Variants in BLTP1 observed in about 807,000 individuals in gnomAD.
BLTP1 encodes the protein bridge-like lipid transfer protein family member 1.
chr4:122,316,899 C>A, the BLTP1 span: 1 of 1,386,072 alleles, frequency 7.2e-7, no homozygotes, highest in Middle Eastern at 1.9e-4. Context: ...ATAATGTTCC[C>A]TAATTTTAGA....
the BLTP1 span, chr4:122,245,249 A>G: frequency 4.1e-6 from 4 of 967,916 alleles, no homozygotes; most frequent in African/African-American, 4.9e-5. Flanking sequence ...ATATTTGGAC[A>G]TGTTCTAAAA....
At chr4:122,192,433 A>G in the BLTP1 span, 3 of 1,118,556 alleles carry the variant, frequency 2.7e-6, no homozygotes, top group Non-Finnish European at 3.8e-6. Context: ...TTAGATGTAT[A>G]TAATTTTAAA....
the BLTP1 span, chr4:122,263,746 T>C: frequency 1.8e-5 from 10 of 552,670 alleles, no homozygotes; most frequent in African/African-American, 3.8e-5. Context: ...TTTGATAATA[T>C]TGTAATTGAG....
At chr4:122,332,385 A>G in the BLTP1 span, among the ~76,000 whole-genome samples, 7 of 151,980 alleles carry the variant, frequency 4.6e-5, no homozygotes, top group Non-Finnish European at 7.4e-5. Context: ...TAAATTGCTA[A>G]TATTTAGCTG....
chr4:122,254,809 C>A, the BLTP1 span: 3 of 1,555,424 alleles, frequency 1.9e-6, no homozygotes, highest in Non-Finnish European at 2.6e-6. Context: ...AAAAAGGCAG[C>A]TGAACCTTTT....
the BLTP1 span, chr4:122,312,876 T>C: frequency 8.2e-6 from 7 of 854,480 alleles, no homozygotes; most frequent in Non-Finnish European, 9.8e-6. Flanking sequence ...TAAAGATATA[T>C]GTACTCTGGA....
At chr4:122,247,681 A>G in the BLTP1 span, 4 of 1,056,838 alleles carry the variant, frequency 3.8e-6, no homozygotes, top group Non-Finnish European at 4.6e-6. Context: ...CATGATCTTT[A>G]TAGTCTTTCT....
chr4:122,344,154 G>A, the BLTP1 span: 1 of 399,010 alleles, frequency 2.5e-6, no homozygotes, highest in Non-Finnish European at 3.4e-6. Flanking sequence ...AGTTTCTATT[G>A]TTGGAGAAGG....
At chr4:122,152,381 T>A in the BLTP1 span, 1 of 985,724 alleles carries the variant, frequency 1.0e-6, no homozygotes, top group Non-Finnish European at 1.2e-6. Flanking sequence ...CTCCGCCCCC[T>A]TGGGTGTCGG....
the BLTP1 span, chr4:122,210,849 C>G: frequency 1.2e-6 from 2 of 1,601,476 alleles, no homozygotes; most frequent in Admixed American, 3.4e-5. Context: ...GTCCCCCACC[C>G]CTCAAACATT....
At chr4:122,347,155 A>G in the BLTP1 span, 1 of 984,654 alleles carries the variant, frequency 1.0e-6, no homozygotes, top group Non-Finnish European at 1.2e-6. Flanking sequence ...TGCTGGGGAC[A>G]TGTTACTAGC....
the BLTP1 span, among the ~76,000 whole-genome samples, chr4:122,255,546 T>C: frequency 6.6e-6 from 1 of 152,070 alleles, no homozygotes; most frequent in East Asian, 1.9e-4. Context: ...CTTGGGAGGC[T>C]GAGGCAGGAG....
chr4:122,279,074 G>A, the BLTP1 span, among the ~76,000 whole-genome samples: 2 of 152,288 alleles, frequency 1.3e-5, no homozygotes, highest in African/African-American at 4.8e-5. Context: ...TCAGGATCTT[G>A]ATCTCACTTG....
At chr4:122,344,311 C>G in the BLTP1 span, 1 of 1,480,340 alleles carries the variant, frequency 6.8e-7, no homozygotes, top group South Asian at 1.3e-5. Flanking sequence ...ATAATTTTCA[C>G]CTAACTAGAC....
At chr4:122,169,670 T>TAC in the BLTP1 span, 2 of 965,618 alleles carry the variant, frequency 2.1e-6, no homozygotes, top group Non-Finnish European at 2.5e-6. Flanking sequence ...TGTGCATATA[T>TAC]ACATATACAC....
At chr4:122,286,751 A>G in the BLTP1 span, 5 of 1,613,676 alleles carry the variant, frequency 3.1e-6, no homozygotes, top group East Asian at 2.2e-5. Context: ...CAAGGTTACT[A>G]TTTACAGGGA....
chr4:122,300,441 CT>C, the BLTP1 span, among the ~76,000 whole-genome samples: 4 of 152,040 alleles, frequency 2.6e-5, no homozygotes, highest in African/African-American at 7.2e-5. Context: ...GTACAAAGGT[CT>C]TTTTTGGGGG....
the BLTP1 span, chr4:122,354,038 G>A: frequency 3.1e-6 from 5 of 1,606,166 alleles, no homozygotes; most frequent in Admixed American, 8.4e-5. Flanking sequence ...TGAGTCTTTG[G>A]AGAGATTTAT....
chr4:122,188,160 C>G, the BLTP1 span: 5 of 1,284,512 alleles, frequency 3.9e-6, no homozygotes, highest in South Asian at 1.1e-4. Flanking sequence ...ACTTTAACAT[C>G]CTTTTACTTT....
Sources: gnomAD v4.1 joint callset for allele counts (sites outside exome capture counted in the v4.1 genomes callset) on GRCh38, gnomAD v4.1.1 for gene constraint, MANE v1.5 for transcripts, NCBI Gene and HGNC (gene_info 2026-07-23, HGNC 2026-07-21) for gene names.